Variants in ACCS observed in about 807,000 individuals in gnomAD.
ACCS encodes 1-aminocyclopropane-1-carboxylate synthase-like protein 1.
A neutral mutation model predicts 59.8 loss-of-function variants in ACCS; 42 were observed. The ratio of observed to expected loss-of-function variants is 0.70; its 90% confidence interval spans 0.55 to 0.91. The LOEUF is 0.91. Ranked by LOEUF, ACCS falls within the 40% of genes least tolerant of loss-of-function variation. The pLI is 0.00. For synonymous variants in ACCS, 230 were observed against 240.3 expected (o/e 0.96, Z 0.40); for missense variants, 602 against 630.4 (o/e 0.95, Z 0.48).
At chr11:44,073,839 A>G (rs961187705) in intron 4 of ACCS, among the ~76,000 whole-genome samples, 1 of 152,190 alleles carries the variant, frequency 6.6e-6, no homozygotes, top group African/African-American at 2.4e-5. Context: ...GAGGGCCTTC[A>G]GGTGAGAAGT....
Position 44,074,669 on chromosome 11 carries a change from C to A in ACCS, c.477C>A (p.Leu159=), listed in dbSNP as rs912768865. Residue 159 remains leucine, a synonymous_variant, in exon 5 of 15, where the codon CTC becomes CTA. Transcript: ENST00000263776. The stretch of plus-strand genomic sequence containing the variant: ...TCTACTGCAAGAGCCCAGTACCCCT[C>A]AGACCAGAGAATGTGAGTGGCCCCC... The part of the protein sequence containing the change: ...LSFYCKSPVP[L]RPENVVVLNG... 4 of 1,612,152 alleles carry A rather than the reference C, an allele frequency of 2.5e-6. No individual in the cohort carries two copies. The highest frequency in any genetic ancestry group is 2.7e-5 in the African/African-American group (2 of 74,678).
chr11:44,073,683 G>A (rs1953172071), intron 4 of ACCS, 166 bp downstream of exon 4: 2 of 677,958 alleles, frequency 3.0e-6, no homozygotes, highest in Non-Finnish European at 4.8e-6. Context: ...CCCCCACAAT[G>A]AAGAATGACC....
rs765681909 is a variant in ACCS, at chr11:44,081,317, C to T, written c.1108C>T (p.Arg370Cys). Residue 370 changes from arginine to cysteine, a missense_variant, in exon 12 of 15, where the codon CGT (arginine) becomes TGT (cysteine). Physicochemically the swap from Arg to Cys is radical, Grantham distance 180 (BLOSUM62 -3). Transcript: ENST00000263776. The part of the protein sequence containing the change: ...QYQMAQLLRD[R>C]DWINQVYLPE... Reference sequence around the variant, plus strand: ...CCAGATGGCACAGCTGCTCCGGGACCGTGGTGACTGCCTGGGCCTGGTGAC... The same window carrying T: ...CCAGATGGCACAGCTGCTCCGGGACTGTGGTGACTGCCTGGGCCTGGTGAC... 19 of 1,613,596 alleles carry T rather than the reference C, an allele frequency of 1.2e-5. No individual in the cohort carries two copies. The highest frequency in any genetic ancestry group is 1.4e-5 in the Non-Finnish European group (16 of 1,179,642).
intron 10 of ACCS, 54 bp downstream of exon 10, chr11:44,079,674 C>G (rs1953550206): frequency 6.5e-7 from 1 of 1,528,678 alleles, no homozygotes; most frequent in African/African-American, 1.4e-5. Flanking sequence ...CCACGGAGCC[C>G]TGGCCACTTT....
chr11:44,070,316 T>C (rs1952992152), intron 2 of ACCS, among the ~76,000 whole-genome samples: 1 of 151,990 alleles, frequency 6.6e-6, no homozygotes, highest in Non-Finnish European at 1.5e-5. Flanking sequence ...TGTAATAATA[T>C]AGACAAGAAA....
chr11:44,068,033 G>A (rs1952873325), intron 2 of ACCS, 118 bp downstream of exon 2: 3 of 1,141,070 alleles, frequency 2.6e-6, no homozygotes, highest in Non-Finnish European at 3.6e-6. Flanking sequence ...ATGGTACTCT[G>A]ACCTCCAAGA....
At chr11:44,067,546 A>T in intron 1 of ACCS, 82 bp from the exon 2 acceptor site, 2 of 1,395,978 alleles carry the variant, frequency 1.4e-6, no homozygotes, top group Non-Finnish European at 1.9e-6. Context: ...GAGAAAGGGG[A>T]CTCCCATGAC....
intron 5 of ACCS, 134 bp from the exon 6 acceptor site, chr11:44,075,392 G>T: frequency 4.7e-6 from 4 of 859,506 alleles, no homozygotes; most frequent in Non-Finnish European, 5.6e-6. Context: ...CAGTCTAGTG[G>T]CTTTGTTGTG....
chr11:44,069,460 G>A (rs912465446), intron 2 of ACCS, among the ~76,000 whole-genome samples: 2 of 152,076 alleles, frequency 1.3e-5, no homozygotes, highest in African/African-American at 2.4e-5. Flanking sequence ...CAGGTGATCC[G>A]CCTGCCTCCG....
Position 44,081,311 on chromosome 11 carries a change from C to G in ACCS, c.1102C>G (p.Arg368Gly). The change falls in exon 12 of 15, where the codon CGG becomes GGG. Residue 368 changes from arginine to glycine, a missense_variant. Arg to Gly is a moderately radical substitution (Grantham distance 125). Coordinates refer to ENST00000263776, the MANE Select transcript of ACCS (RefSeq NM_032592.4). ...CCAGTACCAGATGGCACAGCTGCTC[C>G]GGGACCGTGGTGACTGCCTGGGCCT... Reference protein sequence around the residue: ...LVQYQMAQLLRDRDWINQVYL... With the variant: ...LVQYQMAQLLGDRDWINQVYL... 1.3e-5 allele frequency: 21 copies of G among 1,613,944 alleles called. No homozygotes were observed. Among genetic ancestry groups the G allele is most frequent in the Non-Finnish European group, 1.7e-5 (20 of 1,179,884 alleles).
At chr11:44,073,619 T>G in intron 4 of ACCS, 102 bp downstream of exon 4, 1 of 1,205,560 alleles carries the variant, frequency 8.3e-7, no homozygotes, top group East Asian at 2.6e-5. Context: ...GCTCCTGGCA[T>G]TTAGTGTGTA....
Position 44,066,697 on chromosome 11 carries a change from T to TGGAGGTGAGCGCTCTTGGGAGAGCC in ACCS, c.-4_-1+21dup, listed in dbSNP as rs1397134521. On this transcript the variant is annotated 5_prime_UTR_variant, in exon 1 of 15. Transcript: ENST00000263776. ...CTCGGACCTGGGCTGTCGGGAGAGCTGGAGGTGAGCGCTCTTGGGAGAGCC... is the reference window on the plus strand; with the variant it reads ...CTCGGACCTGGGCTGTCGGGAGAGCTGGAGGTGAGCGCTCTTGGGAGAGCCGGAGGTGAGCGCTCTTGGGAGAGCC... 1.3e-5 allele frequency: 2 copies of TGGAGGTGAGCGCTCTTGGGAGAGCC among 152,212 alleles called. No homozygotes were observed. Among genetic ancestry groups the TGGAGGTGAGCGCTCTTGGGAGAGCC allele is most frequent in the Non-Finnish European group, 2.9e-5 (2 of 68,106 alleles). The allele number at this position is 152,212 out of a possible 1,614,324, so 9.4% of individuals were successfully genotyped here.
rs1239930426 is a variant in ACCS, at chr11:44,067,887, A to T, written c.260A>T (p.Asp87Val). The T allele has an allele frequency of 1.2e-6, 2 of 1,609,864 alleles. No homozygotes were observed. The highest frequency in any genetic ancestry group is 4.5e-5 in the East Asian group (2 of 44,860). Reference protein sequence around the residue: ...AEEGYRTYHMDEYDEDKNPSG... With the variant: ...AEEGYRTYHMVEYDEDKNPSG... ...GAGGGCTACAGGACCTACCACATGGATGAGTATGATGAGGACAAGAACCCC... is the reference window on the plus strand; with the variant it reads ...GAGGGCTACAGGACCTACCACATGGTTGAGTATGATGAGGACAAGAACCCC... Residue 87 changes from aspartate to valine, a missense_variant, in exon 2 of 15, where the codon GAT (aspartate) becomes GTT (valine). Transcript: ENST00000263776.
intron 12 of ACCS, chr11:44,082,153 T>G (rs1953668251): frequency 1.3e-5 from 2 of 151,936 alleles, no homozygotes; most frequent in Admixed American, 6.6e-5. Context: ...TTGACAAAGA[T>G]AAGGAGCAGC....
intron 1 of ACCS, 135 bp from the exon 2 acceptor site, chr11:44,067,493 C>T (rs1952843176): frequency 1.1e-6 from 1 of 909,858 alleles, no homozygotes; most frequent in Middle Eastern, 3.3e-4. Context: ...CTAAGGGACA[C>T]AGGAAGTGAT....
rs376381620 is a variant in ACCS, at chr11:44,083,446, A to G, written c.1277A>G (p.Glu426Gly). The G allele has an allele frequency of 4.3e-6, 7 of 1,614,002 alleles. No homozygotes were observed. The African/African-American group carries it at 8.0e-5, about 18-fold the overall frequency. ...CAGTACCTGCCCAAGGGCACCTTTG[A>G]GGAGGAAATGCTGCTCTGGCGCCGC... is the stretch of plus-strand genomic sequence containing the variant. ...LRKYLPKGTF[E>G]EEMLLWRRFL... Residue 426 changes from glutamate (E) to glycine (G), a missense_variant, in exon 14 of 15, where the codon GAG becomes GGG. Coordinates refer to ENST00000263776, the MANE Select transcript of ACCS (RefSeq NM_032592.4).
At chr11:44,079,431 C>A (rs891812226) in intron 9 of ACCS, 100 bp from the exon 10 acceptor site, 53 of 964,460 alleles carry the variant, frequency 5.5e-5, no homozygotes, top group Non-Finnish European at 7.8e-5. Flanking sequence ...CCGGGCTAGA[C>A]CCCGGCCCCT....
chr11:44,071,364 T>G, intron 3 of ACCS, 49 bp downstream of exon 3: 9 of 1,592,252 alleles, frequency 5.7e-6, no homozygotes, highest in Non-Finnish European at 7.8e-6. Context: ...CGAGGAGCTG[T>G]CTTCCCTGGA....
intron 4 of ACCS, among the ~76,000 whole-genome samples, chr11:44,073,899 G>C (rs969808661): frequency 6.6e-6 from 1 of 152,174 alleles, no homozygotes; most frequent in African/African-American, 2.4e-5. Context: ...ATTGCTGTTC[G>C]GGGAGCTGGC....
Sources: allele counts gnomAD v4.1 joint callset (sites outside exome capture counted in the v4.1 genomes callset), GRCh38; gene constraint gnomAD v4.1.1; transcripts MANE v1.5; gene names NCBI Gene and HGNC (gene_info 2026-07-23, HGNC 2026-07-21).